Variants in EDNRB observed in about 807,000 individuals in gnomAD.
EDNRB encodes Hirschsprung disease 2.
EDNRB carries 18 observed loss-of-function variants against 46.4 expected under a neutral mutation model. The ratio of observed to expected loss-of-function variants is 0.39; its 90% CI spans 0.27 to 0.57. EDNRB has a LOEUF of 0.57. Ranked by LOEUF, EDNRB falls within the 20% of genes least tolerant of loss-of-function variation. The pLI is 0.61. For missense variants in EDNRB, 434 were observed against 537.5 expected (o/e 0.81, Z 1.90); for synonymous variants, 213 against 204.9 (o/e 1.04, Z -0.34).
Position 77,897,672 on chromosome 13 carries a change from C to G in EDNRB, c.*528G>C, listed in dbSNP as rs572769279. 1.0e-6 allele frequency: 1 copy of G among 986,746 alleles called. No individual in the cohort carries two copies. Among genetic ancestry groups the G allele is most frequent in the East Asian group, 1.1e-4 (1 of 8,824 alleles). The allele number at this position is 986,746 out of a possible 1,614,324, so 61.1% of individuals were successfully genotyped here. ...TGTTTCCAGTGTCCGAAAAATGCAA[C>G]AACTAAACTGCTCTCTCATTTGCAT... On this transcript the variant is annotated 3_prime_UTR_variant, in exon 7 of 7. Coordinates refer to ENST00000646607, the MANE Select transcript of EDNRB (RefSeq NM_001122659.3).
upstream of EDNRB, among the ~76,000 whole-genome samples, chr13:77,922,123 AT>A (rs34053276): frequency 1.1e-3 from 165 of 145,938 alleles, no homozygotes; most frequent in Middle Eastern, 3.6e-3. Flanking sequence ...TTATGAGAGG[AT>A]TTTTTTTTTT....
chr13:77,952,960 C>G (rs1399469181), intron 1 of EDNRB, among the ~76,000 whole-genome samples: 3 of 152,176 alleles, frequency 2.0e-5, no homozygotes, highest in Non-Finnish European at 4.4e-5. Flanking sequence ...GGGAGCCAGC[C>G]AGCTCACCAG....
At position 77,903,137 on chromosome 13, in the gene EDNRB, TAAAA is replaced by T; in HGVS notation, c.801+15_801+18del. On this transcript the variant is annotated intron_variant, in intron 3 of 6. Transcript: ENST00000646607. ...TATAAGGCAAGAGCAGAAAGGAAAA[TAAAA>T]AAAGTGAAATTTACCTGCATGAAAG... 1 of 1,611,682 alleles carries T rather than the reference TAAAA, an allele frequency of 6.2e-7. No individual in the cohort carries two copies. Among genetic ancestry groups the T allele is most frequent in the Non-Finnish European group, 8.5e-7 (1 of 1,178,786 alleles).
upstream of EDNRB, among the ~76,000 whole-genome samples, chr13:77,921,114 C>T (rs1225489143): frequency 6.6e-6 from 1 of 152,140 alleles, no homozygotes; most frequent in African/African-American, 2.4e-5. Flanking sequence ...ATCTATGGGT[C>T]ACTATTGATT....
At chr13:77,923,752 A>G (rs1347289029), upstream of EDNRB, among the ~76,000 whole-genome samples, 1 of 150,984 alleles carries the variant, frequency 6.6e-6, no homozygotes, top group East Asian at 1.9e-4. Flanking sequence ...ATCTTTAGCT[A>G]TTTACTGGTA....
intron 1 of EDNRB, among the ~76,000 whole-genome samples, chr13:77,910,164 T>C (rs1315393699): frequency 6.6e-6 from 1 of 151,940 alleles, no homozygotes; most frequent in Non-Finnish European, 1.5e-5. Context: ...TTGTAAGAGA[T>C]GATTGTTTTA....
chr13:77,924,353 A>G (rs561136417), upstream of EDNRB, among the ~76,000 whole-genome samples: 1 of 152,308 alleles, frequency 6.6e-6, no homozygotes, highest in East Asian at 1.9e-4. Flanking sequence ...AAAATTACTC[A>G]CAGAATCTCA....
chr13:77,956,854 T>A (rs1158777669), intron 1 of EDNRB, among the ~76,000 whole-genome samples: 1 of 152,246 alleles, frequency 6.6e-6, no homozygotes, highest in African/African-American at 2.4e-5. Context: ...CATTGTCTTC[T>A]GCCTATCTTC....
At chr13:77,915,127 A>G (rs1027414178) in intron 1 of EDNRB, among the ~76,000 whole-genome samples, 2 of 152,190 alleles carry the variant, frequency 1.3e-5, no homozygotes, top group South Asian at 2.1e-4. Context: ...GAATGATCAT[A>G]CCTGACTACT....
chr13:77,969,191 GC>G (rs1454806046), intron 1 of EDNRB, among the ~76,000 whole-genome samples: 1 of 152,044 alleles, frequency 6.6e-6, no homozygotes, highest in Non-Finnish European at 1.5e-5. Context: ...ATTTTATTAA[GC>G]ATTTTTCATA....
intron 1 of EDNRB, among the ~76,000 whole-genome samples, chr13:77,936,910 A>G (rs1880583081): frequency 6.6e-6 from 1 of 152,230 alleles, no homozygotes; most frequent in South Asian, 2.1e-4. Context: ...AGCAGAGGCA[A>G]GTAATTGTAA....
At chr13:77,919,044 C>T (rs1879974293), upstream of EDNRB, 2 of 565,006 alleles carry the variant, frequency 3.5e-6, no homozygotes, top group East Asian at 5.5e-5. Flanking sequence ...CTGCATTTTG[C>T]CCCGCAGGGG....
chr13:77,952,651 G>A (rs1881123547), intron 1 of EDNRB, among the ~76,000 whole-genome samples: 2 of 152,128 alleles, frequency 1.3e-5, no homozygotes, highest in African/African-American at 2.4e-5. Flanking sequence ...TACTGTGGCT[G>A]AAGAAAAAAT....
chr13:77,967,958 A>G (rs1881625931), intron 1 of EDNRB, among the ~76,000 whole-genome samples: 1 of 152,158 alleles, frequency 6.6e-6, no homozygotes, highest in Non-Finnish European at 1.5e-5. Context: ...CAACAAAGGC[A>G]TCCAAATGCA....
intron 1 of EDNRB, among the ~76,000 whole-genome samples, chr13:77,951,928 G>A (rs902201419): frequency 2.6e-5 from 4 of 152,002 alleles, no homozygotes; most frequent in Admixed American, 1.3e-4. Context: ...CTTTGGGTTC[G>A]GGGTCTCTTC....
chr13:77,947,958 G>A (rs1344545785), intron 1 of EDNRB, among the ~76,000 whole-genome samples: 1 of 151,970 alleles, frequency 6.6e-6, no homozygotes, highest in Non-Finnish European at 1.5e-5. Flanking sequence ...AATATATATG[G>A]TGAACTTTTA....
chr13:77,912,093 C>T (rs1245971216), intron 1 of EDNRB, among the ~76,000 whole-genome samples: 1 of 152,066 alleles, frequency 6.6e-6, no homozygotes, highest in South Asian at 2.1e-4. Context: ...GCTCCCTGGC[C>T]TGGAGACAAC....
intron 1 of EDNRB, among the ~76,000 whole-genome samples, chr13:77,938,822 G>A (rs1320889989): frequency 2.0e-5 from 3 of 152,202 alleles, no homozygotes. Context: ...AGTAAGAAGA[G>A]GCCACTTACC....
chr13:77,900,155 T>C (rs554585856), intron 5 of EDNRB, among the ~76,000 whole-genome samples, 188 bp from the exon 6 acceptor site: 1 of 152,118 alleles, frequency 6.6e-6, no homozygotes, highest in South Asian at 2.1e-4. Context: ...CTAGCATTTC[T>C]ACTGACTTTC....
Sources: allele counts gnomAD v4.1 joint callset (sites outside exome capture counted in the v4.1 genomes callset), GRCh38; gene constraint gnomAD v4.1.1; transcripts MANE v1.5; gene names NCBI Gene and HGNC (gene_info 2026-07-23, HGNC 2026-07-21).